Variants in OTOS observed in about 807,000 individuals in gnomAD.
OTOS encodes the protein otospiralin.
In OTOS, 14 loss-of-function variants were observed where a neutral mutation model predicts 12.5. The observed-to-expected ratio is 1.12, with a 90% confidence interval of 0.74 to 1.76. The LOEUF (loss-of-function observed/expected upper bound fraction) is 1.76, where lower values mean the gene tolerates loss of function less well. OTOS is among the 40% of genes most tolerant of loss of function. OTOS has a pLI of 0.00. For synonymous variants in OTOS, 49 were observed against 47.6 expected, an observed-to-expected ratio of 1.03 and a Z score of -0.12; for missense variants, 141 against 112.8, an observed-to-expected ratio of 1.25 and a Z score of -1.13.
rs191649089 is a variant in OTOS at position 240,140,173 on chromosome 2, G to A, written c.59-85C>T. ...CCCGACACCAGCTGCAGGGCTCTAAGGTTTCCTAGCAGCCTGGGGATGCAT... is the reference window on the plus strand; with the variant it reads ...CCCGACACCAGCTGCAGGGCTCTAAAGTTTCCTAGCAGCCTGGGGATGCAT... On this transcript the variant is annotated intron_variant, in intron 2 of 3. Transcript: ENST00000319460. The A allele has an allele frequency of 1.1e-3, 1,761 of 1,598,730 alleles. 2 individuals carry two copies. Among genetic ancestry groups the A allele is most frequent in the Non-Finnish European group, 1.3e-3 (1,580 of 1,171,476 alleles).
chr2:240,139,367 A>C lies in OTOS; in HGVS notation c.86-13T>G, dbSNP rs2279690. On this transcript the variant is annotated splice_polypyrimidine_tract_variant and intron_variant, in intron 3 of 3. Coordinates refer to ENST00000319460, the MANE Select transcript of OTOS (RefSeq NM_148961.4). ...TCCGCGTAAGGGTCTGAAAGACACA[A>C]GACACCTGCCTTGGGGGCTGTCCCC... is the stretch of plus-strand genomic sequence containing the variant. The C allele has an allele frequency of 6.9e-6, 11 of 1,604,848 alleles. No individual in the cohort carries two copies. The highest frequency in any genetic ancestry group is 1.7e-4 in the Middle Eastern group (1 of 6,002).
At chr2:240,139,403 C>G (rs752106353) in intron 3 of OTOS, 49 bp from the exon 4 acceptor site, 13 of 1,550,642 alleles carry the variant, frequency 8.4e-6, no homozygotes, top group Non-Finnish European at 1.1e-5. Flanking sequence ...ATGGTCCTGC[C>G]TGGAGACACC....
At position 240,139,098 on chromosome 2, in the gene OTOS, G is replaced by A; in HGVS notation, c.*72C>T. ...CTCCTGCAGGGGCCAGGTTTTTGCG[G>A]GGACTCCATGCCTGTGGAGGCCCGA... On this transcript the variant is annotated 3_prime_UTR_variant, in exon 4 of 4. Coordinates refer to ENST00000319460, the MANE Select transcript of OTOS (RefSeq NM_148961.4). The A allele has an allele frequency of 2.0e-6, 3 of 1,512,056 alleles. No individual in the cohort carries two copies. The highest frequency in any genetic ancestry group is 2.5e-5 in the South Asian group (2 of 78,654). The allele number at this position is 1,512,056 out of a possible 1,614,324, so 93.7% of individuals were successfully genotyped here. A position where few individuals can be genotyped will look rare whatever the true frequency, so the allele number is the denominator to read the frequency against.
Position 240,140,091 on chromosome 2 carries a change from G to A in OTOS, c.59-3C>T, listed in dbSNP as rs754114766. On this transcript the variant is annotated splice_polypyrimidine_tract_variant and splice_region_variant and intron_variant, in intron 2 of 3. Coordinates refer to ENST00000319460, the MANE Select transcript of OTOS (RefSeq NM_148961.4). ...TTCCTCCTGCACAGGCTTGGCCCCT[G>A]CAAAGGAAGAGAAGAGCTGTCACCC... The A allele has an allele frequency of 3.7e-6, 6 of 1,613,068 alleles. No homozygotes were observed. Among genetic ancestry groups the A allele is most frequent in the South Asian group, 1.1e-5 (1 of 90,936 alleles).
Position 240,139,237 on chromosome 2 carries a change from CG to C in OTOS, c.202del (p.Arg68GlufsTer?). On this transcript the variant is annotated frameshift_variant, in exon 4 of 4. Transcript: ENST00000319460. LOFTEE classifies it high-confidence loss of function. ...GAYPQIEDMARTFFAHFPLGS... is the reference protein window; with the variant it reads ...GAYPQIEDMAXTFFAHFPLGS... ...CAGGGGGAAGTGGGCAAAGAAGGTTCGGGCCATGTCCTCGATCTGGGGGTAG... is the reference window on the plus strand; with the variant it reads ...CAGGGGGAAGTGGGCAAAGAAGGTTCGGCCATGTCCTCGATCTGGGGGTAG... The C allele has an allele frequency of 6.2e-7, 1 of 1,614,166 alleles. No homozygotes were observed. The highest frequency in any genetic ancestry group is 8.5e-7 in the Non-Finnish European group (1 of 1,180,016).
At chr2:240,139,848 G>A (rs77707727) in intron 3 of OTOS, among the ~76,000 whole-genome samples, 8,867 of 152,166 alleles carry the variant, frequency 0.058, 388 homozygotes, top group Admixed American at 0.11. Flanking sequence ...TGGCTGGAGG[G>A]CAGGGTCCCA....
Position 240,139,213 on chromosome 2 carries a change from A to G in OTOS, c.227T>C (p.Leu76Pro), listed in dbSNP as rs2072029936. Residue 76 changes from leucine to proline, a missense_variant, in exon 4 of 4, where the codon CTG becomes CCG. Physicochemically the swap from Leu to Pro is moderately conservative, Grantham distance 98. Coordinates refer to ENST00000319460, the MANE Select transcript of OTOS (RefSeq NM_148961.4). ...AACGTGGAAGCCCAGCGTGCTCCCC[A>G]GGGGGAAGTGGGCAAAGAAGGTTCG... is the stretch of plus-strand genomic sequence containing the variant. ...MARTFFAHFP[L>P]GSTLGFHVPY... 1 of 1,613,946 alleles carries G rather than the reference A, an allele frequency of 6.2e-7. No homozygotes were observed. Among genetic ancestry groups the G allele is most frequent in the Non-Finnish European group, 8.5e-7 (1 of 1,179,894 alleles).
rs144698434 is a variant in OTOS at position 240,139,191 on chromosome 2, G to A, written c.249C>T (p.His83=). The A allele has an allele frequency of 5.5e-5, 88 of 1,613,774 alleles. 1 individual carries two copies. The highest frequency in any genetic ancestry group is 4.0e-4 in the African/African-American group (30 of 75,028). The stretch of plus-strand genomic sequence containing the variant: ...CCATTCAGTCCTCCTGATAGGGAAC[G>A]TGGAAGCCCAGCGTGCTCCCCAGGG... ...HFPLGSTLGF[H]VPYQED Residue 83 remains histidine, a synonymous_variant, in exon 4 of 4, where the codon CAC becomes CAT. Coordinates refer to ENST00000319460, the MANE Select transcript of OTOS (RefSeq NM_148961.4).
At chr2:240,140,468 A>C in intron 1 of OTOS, 24 bp from the exon 2 acceptor site, 1 of 785,872 alleles carries the variant, frequency 1.3e-6, no homozygotes, top group Non-Finnish European at 1.9e-6. Flanking sequence ...CATGGATTTA[A>C]AAAAAAAATT....
At chr2:240,140,205 G>A in intron 2 of OTOS, 64 bp downstream of exon 2, 1 of 1,589,448 alleles carries the variant, frequency 6.3e-7, no homozygotes, top group Non-Finnish European at 8.6e-7. Context: ...GCATGCGGGA[G>A]GGGAGAGAAC....
intron 3 of OTOS, 76 bp from the exon 4 acceptor site, chr2:240,139,430 A>C: frequency 6.8e-7 from 1 of 1,469,304 alleles, no homozygotes; most frequent in Non-Finnish European, 9.3e-7. Context: ...AGAGGTCTCA[A>C]GGCAAGTGGA....
intron 3 of OTOS, 97 bp downstream of exon 3, chr2:240,139,965 T>TCG: frequency 1.4e-6 from 2 of 1,430,008 alleles, no homozygotes; most frequent in Non-Finnish European, 1.9e-6. Flanking sequence ...CTGATGCGTC[T>TCG]GCTTGGGATA....
chr2:240,139,770 C>T (rs780490424), intron 3 of OTOS, among the ~76,000 whole-genome samples: 18 of 152,174 alleles, frequency 1.2e-4, no homozygotes, highest in Non-Finnish European at 2.4e-4. Context: ...GGGCTGGAAC[C>T]CAGGTCTGAT....
intron 2 of OTOS, 42 bp from the exon 3 acceptor site, chr2:240,140,130 A>G: frequency 6.2e-7 from 1 of 1,611,176 alleles, no homozygotes; most frequent in Non-Finnish European, 8.5e-7. Flanking sequence ...AGGACCACCC[A>G]GGTGCCGGTT....
At chr2:240,140,187 C>A in intron 2 of OTOS, 82 bp downstream of exon 2, 1 of 1,593,584 alleles carries the variant, frequency 6.3e-7, no homozygotes, top group Non-Finnish European at 8.6e-7. Context: ...TCCTAGCAGC[C>A]TGGGGATGCA....
Position 240,140,627 on chromosome 2 carries a change from C to G in OTOS, c.-126G>C. On this transcript the variant is annotated 5_prime_UTR_variant, in exon 1 of 4. Coordinates refer to ENST00000319460, the MANE Select transcript of OTOS (RefSeq NM_148961.4). ...GGCCTCTCCAGAGCTTACCTTGTCT[C>G]TGCTCAGCCAGCCGTGCTGCCTGGA... The G allele has an allele frequency of 2.5e-6, 1 of 392,654 alleles. No individual in the cohort carries two copies. The highest frequency in any genetic ancestry group is 4.2e-5 in the Admixed American group (1 of 23,800). 24.3% of individuals were successfully genotyped at this position (392,654 alleles called of 1,614,324 possible). A position where few individuals can be genotyped will look rare whatever the true frequency, so the allele number is the denominator to read the frequency against.
At position 240,140,394 on chromosome 2, in the gene OTOS, C is replaced by G; in HGVS notation, c.-68G>C. 1 of 1,481,800 alleles carries G rather than the reference C, an allele frequency of 6.7e-7. No individual in the cohort carries two copies. The highest frequency in any genetic ancestry group is 9.1e-7 in the Non-Finnish European group (1 of 1,102,890). The allele number at this position is 1,481,800 out of a possible 1,614,324, so 91.8% of individuals were successfully genotyped here. On this transcript the variant is annotated 5_prime_UTR_variant, in exon 2 of 4. Coordinates refer to ENST00000319460, the MANE Select transcript of OTOS (RefSeq NM_148961.4). ...CAGGATGAACCCAGGAAGGGCGAGA[C>G]CACCCATCCGTCAGGGCCGGCTTCC...
chr2:240,139,081 G>A lies in OTOS; in HGVS notation c.*89C>T, dbSNP rs1313724755. On this transcript the variant is annotated 3_prime_UTR_variant, in exon 4 of 4. Coordinates refer to ENST00000319460, the MANE Select transcript of OTOS (RefSeq NM_148961.4). ...CGTGAGACCAGGCCTGACTCCTGCA[G>A]GGGCCAGGTTTTTGCGGGGACTCCA... The A allele has an allele frequency of 7.1e-7, 1 of 1,414,506 alleles. No homozygotes were observed. Among genetic ancestry groups the A allele is most frequent in the African/African-American group, 1.4e-5 (1 of 69,934 alleles). 87.6% of individuals were successfully genotyped at this position (1,414,506 alleles called of 1,614,324 possible). A position where few individuals can be genotyped will look rare whatever the true frequency, so the allele number is the denominator to read the frequency against.
In OTOS at chr2:240,140,103, A is replaced by G; in HGVS notation, c.59-15T>C. 6.2e-7 allele frequency: 1 copy of G among 1,613,282 alleles called. No homozygotes were observed. The highest frequency in any genetic ancestry group is 1.1e-5 in the South Asian group (1 of 90,956). On this transcript the variant is annotated splice_polypyrimidine_tract_variant and intron_variant, in intron 2 of 3. Transcript: ENST00000319460. The stretch of plus-strand genomic sequence containing the variant: ...AGGCTTGGCCCCTGCAAAGGAAGAG[A>G]AGAGCTGTCACCCAGGAGGACCACC...
Sources: gnomAD v4.1 joint callset for allele counts (sites outside exome capture counted in the v4.1 genomes callset) on GRCh38, gnomAD v4.1.1 for gene constraint, MANE v1.5 for transcripts, NCBI Gene and HGNC (gene_info 2026-07-23, HGNC 2026-07-21) for gene names.